The following BBS9 variants were observed in gnomAD, a reference collection of about 807,000 sequenced individuals.
BBS9 encodes protein PTHB1.
In BBS9, 89 loss-of-function variants were observed where a neutral mutation model predicts 117.7. The observed-to-expected ratio is 0.76, with a 90% CI of 0.64 to 0.90. The LOEUF is 0.90. Among genes scored for constraint, BBS9 ranks in the 40% least tolerant of loss-of-function variants. BBS9 has a pLI of 0.00. For synonymous variants in BBS9, 379 were observed against 370.9 expected (o/e 1.02, Z -0.25); for missense variants, 982 against 1,042.2 (o/e 0.94, Z 0.80).
At chr7:33,558,503 T>G (rs1855625598) in intron 21 of BBS9, among the ~76,000 whole-genome samples, 1 of 152,152 alleles carries the variant, frequency 6.6e-6, no homozygotes. Flanking sequence ...CCAGGGTGAC[T>G]GGGGAGAATG....
intron 17 of BBS9, among the ~76,000 whole-genome samples, chr7:33,376,623 T>C (rs1209940176): frequency 6.6e-6 from 1 of 152,230 alleles, no homozygotes; most frequent in African/African-American, 2.4e-5. Context: ...GCCACACTGC[T>C]TTCCACAAGG....
intron 22 of BBS9, 105 bp downstream of exon 22, chr7:33,605,080 C>G (rs748904317): frequency 1.1e-5 from 16 of 1,464,128 alleles, no homozygotes; most frequent in Non-Finnish European, 1.5e-5. Flanking sequence ...TGCTTGTTTT[C>G]CAATTTCTTC....
intron 19 of BBS9, among the ~76,000 whole-genome samples, chr7:33,484,188 T>C (rs113240195): frequency 6.6e-5 from 10 of 152,292 alleles, no homozygotes; most frequent in African/African-American, 2.4e-4. Flanking sequence ...CAGCAGAAGT[T>C]ATACATGTTA....
intron 19 of BBS9, among the ~76,000 whole-genome samples, chr7:33,490,472 A>G (rs970091541): frequency 6.6e-6 from 1 of 152,214 alleles, no homozygotes; most frequent in Non-Finnish European, 1.5e-5. Flanking sequence ...AGAATTATAC[A>G]TGGATATCAA....
intron 6 of BBS9, among the ~76,000 whole-genome samples, chr7:33,259,034 G>C (rs2128315320): frequency 6.6e-6 from 1 of 152,178 alleles, no homozygotes; most frequent in South Asian, 2.1e-4. Context: ...TGACAATCAA[G>C]AAGGTTTACA....
At chr7:33,257,163 T>C in intron 5 of BBS9, 73 bp from the exon 6 acceptor site, 2 of 1,058,234 alleles carry the variant, frequency 1.9e-6, no homozygotes, top group Non-Finnish European at 1.4e-6. Flanking sequence ...ATACATGTTG[T>C]AGATAGTGAT....
chr7:33,597,077 A>G (rs865841827), intron 21 of BBS9, among the ~76,000 whole-genome samples: 2 of 129,304 alleles, frequency 1.5e-5, no homozygotes, highest in Non-Finnish European at 3.2e-5. Flanking sequence ...TGTCACACAC[A>G]CACACACACA....
intron 5 of BBS9, chr7:33,177,855 A>G (rs547456557): frequency 1.5e-4 from 57 of 383,922 alleles, no homozygotes; most frequent in African/African-American, 1.1e-3. Flanking sequence ...AAATAATAAA[A>G]AAAAACCTTT....
intron 21 of BBS9, among the ~76,000 whole-genome samples, chr7:33,612,141 CG>C (rs1191618566): frequency 4.4e-5 from 5 of 113,752 alleles, no homozygotes; most frequent in East Asian, 2.7e-4. Context: ...GATCTCTAGT[CG>C]TTAAGTGAGG....
At chr7:33,245,245 T>TA (rs1040490975) in intron 5 of BBS9, among the ~76,000 whole-genome samples, 24 of 3,648 alleles carry the variant, frequency 6.6e-3, no homozygotes, top group Admixed American at 0.024. Flanking sequence ...ATTTCCTATA[T>TA]TTTTTATATT....
At chr7:33,214,427 T>G (rs888720592) in intron 5 of BBS9, among the ~76,000 whole-genome samples, 2 of 152,210 alleles carry the variant, frequency 1.3e-5, no homozygotes, top group African/African-American at 4.8e-5. Context: ...GGTCATCTGA[T>G]TTTTGGTTAT....
Position 33,264,361 on chromosome 7 carries a change from GA to G in BBS9, c.694del (p.Arg232AspfsTer2). 1.3e-6 allele frequency: 2 copies of G among 1,580,000 alleles called. No individual in the cohort carries two copies. The highest frequency in any genetic ancestry group is 8.6e-7 in the Non-Finnish European group (1 of 1,161,962). ...QETEQQKLGS[G>X]KRLVVDWTLN... is the part of the protein sequence containing the mutation. ...ACTGAACAGCAAAAACTTGGTTCTGGAAAAAGACTAGTTGTAAGGCCTTTTT... is the reference window on the plus strand; with the variant it reads ...ACTGAACAGCAAAAACTTGGTTCTGGAAAAGACTAGTTGTAAGGCCTTTTT... On this transcript the variant is annotated frameshift_variant, in exon 7 of 23. Transcript: ENST00000242067. LOFTEE classifies it high-confidence loss of function.
chr7:33,525,977 G>C (rs1387581409), intron 20 of BBS9, among the ~76,000 whole-genome samples: 1 of 151,542 alleles, frequency 6.6e-6, no homozygotes. Flanking sequence ...TTGCTTGTCT[G>C]TAAAGTATTT....
chr7:33,298,055 T>C (rs181754977), intron 9 of BBS9, among the ~76,000 whole-genome samples: 3 of 152,236 alleles, frequency 2.0e-5, no homozygotes, highest in Admixed American at 2.0e-4. Flanking sequence ...AATTTGAGGA[T>C]AAATAGAAGA....
Position 33,367,835 on chromosome 7 carries a change from A to G in BBS9, c.1762A>G (p.Ile588Val). The G allele has an allele frequency of 1.9e-6, 3 of 1,613,882 alleles. No individual in the cohort carries two copies. The highest frequency in any genetic ancestry group is 1.7e-6 in the Non-Finnish European group (2 of 1,179,856). The change falls in exon 17 of 23, where the codon ATT becomes GTT. Residue 588 changes from isoleucine (I) to valine (V), a missense_variant. By Grantham distance (29) the Ile-to-Val change is conservative. Transcript: ENST00000242067. ...MGFHFLGGAR[I>V]TVLASKTSQR... Reference sequence around the variant, plus strand: ...TTTTCACTTCTTAGGAGGTGCTCGAATTACTGTTCTTGCTTCCAAAACTTC... The same window carrying G: ...TTTTCACTTCTTAGGAGGTGCTCGAGTTACTGTTCTTGCTTCCAAAACTTC...
intron 21 of BBS9, among the ~76,000 whole-genome samples, chr7:33,604,324 G>T (rs1433455824): frequency 2.0e-5 from 3 of 152,160 alleles, no homozygotes; most frequent in Non-Finnish European, 2.9e-5. Context: ...TGCAGTTCAT[G>T]ACTTTGCTGT....
chr7:33,163,924 G>A (rs1352727068), intron 4 of BBS9, among the ~76,000 whole-genome samples: 1 of 152,038 alleles, frequency 6.6e-6, no homozygotes, highest in African/African-American at 2.4e-5. Flanking sequence ...TGTGATGTTA[G>A]GGTGTCTATT....
intron 9 of BBS9, among the ~76,000 whole-genome samples, chr7:33,307,827 A>T (rs1358988455): frequency 1.3e-5 from 2 of 151,638 alleles, no homozygotes; most frequent in African/African-American, 4.8e-5. Flanking sequence ...ATGGATGCAG[A>T]ACCTATGAAT....
At chr7:33,185,420 G>A (rs539963437) in intron 5 of BBS9, among the ~76,000 whole-genome samples, 1 of 152,122 alleles carries the variant, frequency 6.6e-6, no homozygotes, top group African/African-American at 2.4e-5. Flanking sequence ...GGATAGAGTG[G>A]AGAGGTTGAG....
Sources: gnomAD v4.1 joint callset for allele counts (sites outside exome capture counted in the v4.1 genomes callset) on GRCh38, gnomAD v4.1.1 for gene constraint, MANE v1.5 for transcripts, NCBI Gene and HGNC (gene_info 2026-07-23, HGNC 2026-07-21) for gene names.